The following ZNF469 variants were observed in gnomAD, a reference collection of about 807,000 sequenced individuals.
ZNF469 encodes the protein zinc finger protein 469.
A neutral mutation model predicts 1.0 loss-of-function variants in ZNF469; 1 was observed. The observed-to-expected ratio is 1.00, with a 90% confidence interval of 0.35 to 4.73. ZNF469 has a LOEUF of 4.73. ZNF469 is among the 30% of genes most tolerant of loss of function. The pLI is 0.16. For synonymous variants in ZNF469, 2,703 were observed against 2,363.4 expected (o/e 1.14, Z -4.17); for missense variants, 6,100 against 5,356.3 (o/e 1.14, Z -4.33).
chr16:88,245,942 C>T, the ZNF469 span, among the ~76,000 whole-genome samples: 7 of 152,264 alleles, frequency 4.6e-5, no homozygotes, highest in African/African-American at 1.7e-4. Flanking sequence ...CATCCTCCTG[C>T]CTGGCTCAGC....
chr16:88,225,965 A>G, the ZNF469 span, among the ~76,000 whole-genome samples: 3 of 151,846 alleles, frequency 2.0e-5, no homozygotes, highest in Admixed American at 2.0e-4. Flanking sequence ...GTCTCAGGAC[A>G]CCCTGGCTCC....
the ZNF469 span, among the ~76,000 whole-genome samples, chr16:88,295,752 G>A: frequency 6.6e-6 from 1 of 152,178 alleles, no homozygotes; most frequent in Admixed American, 6.5e-5. Flanking sequence ...TTAGCAGTGC[G>A]AGGATGGCTG....
the ZNF469 span, among the ~76,000 whole-genome samples, chr16:88,202,547 A>G: frequency 1.7e-4 from 26 of 152,194 alleles, no homozygotes; most frequent in Admixed American, 1.7e-3. Flanking sequence ...AGGCAGACCC[A>G]GGGCGGGGCA....
the ZNF469 span, among the ~76,000 whole-genome samples, chr16:88,154,998 C>T: frequency 1.1e-4 from 16 of 152,188 alleles, no homozygotes; most frequent in East Asian, 5.8e-4. Context: ...GCCACCTGTA[C>T]GGCAGACAAA....
At chr16:88,315,649 G>T in the ZNF469 span, among the ~76,000 whole-genome samples, 1 of 152,168 alleles carries the variant, frequency 6.6e-6, no homozygotes, top group Non-Finnish European at 1.5e-5. Context: ...GGCTGGGGAA[G>T]TGCACATCCG....
At chr16:88,160,917 C>T in the ZNF469 span, among the ~76,000 whole-genome samples, 3 of 152,084 alleles carry the variant, frequency 2.0e-5, no homozygotes, top group South Asian at 2.1e-4. Context: ...CCGAGGTGGG[C>T]GGATCATTTG....
the ZNF469 span, among the ~76,000 whole-genome samples, chr16:88,305,332 G>T: frequency 4.6e-5 from 5 of 108,352 alleles, no homozygotes; most frequent in Non-Finnish European, 7.5e-5. Context: ...AGGCACACAC[G>T]CACACCCTCA....
intron 1 of ZNF469, among the ~76,000 whole-genome samples, chr16:88,389,016 G>C (rs1904411915): frequency 6.6e-6 from 1 of 152,262 alleles, no homozygotes; most frequent in Non-Finnish European, 1.5e-5. Flanking sequence ...TACAGAGACA[G>C]CGATAAAGCT....
the ZNF469 span, among the ~76,000 whole-genome samples, chr16:88,140,146 G>A: frequency 1.3e-5 from 2 of 152,182 alleles, no homozygotes; most frequent in South Asian, 4.1e-4. Flanking sequence ...AAAGTCCAGA[G>A]CAAGAGAAAT....
the ZNF469 span, among the ~76,000 whole-genome samples, chr16:88,203,108 C>T: frequency 0.013 from 1,922 of 152,036 alleles, 49 homozygotes; most frequent in African/African-American, 0.043. Context: ...GCAGAAGGGC[C>T]GGGAAGGGCA....
At chr16:88,290,586 G>A in the ZNF469 span, among the ~76,000 whole-genome samples, 2 of 152,304 alleles carry the variant, frequency 1.3e-5, no homozygotes, top group East Asian at 3.9e-4. Context: ...GTAAATAAAT[G>A]TTGAGAGTCT....
intron 1 of ZNF469, among the ~76,000 whole-genome samples, chr16:88,405,777 CGCCCTGCCAA>C (rs1905012460): frequency 6.6e-6 from 1 of 152,202 alleles, no homozygotes; most frequent in South Asian, 2.1e-4. Context: ...GGTCATAGCC[CGCCCTGCCAA>C]GCCCTGCCCA....
At chr16:88,251,467 C>T in the ZNF469 span, among the ~76,000 whole-genome samples, 1 of 146,222 alleles carries the variant, frequency 6.8e-6, no homozygotes, top group Non-Finnish European at 1.5e-5. Flanking sequence ...TTTGTTCTAA[C>T]AGCTGTCATG....
the ZNF469 span, among the ~76,000 whole-genome samples, chr16:88,180,072 T>C: frequency 6.6e-6 from 1 of 152,206 alleles, no homozygotes; most frequent in Non-Finnish European, 1.5e-5. Flanking sequence ...GCTCTGCCTA[T>C]GGAGTAGCCA....
At chr16:88,232,794 A>C in the ZNF469 span, among the ~76,000 whole-genome samples, 1 of 152,190 alleles carries the variant, frequency 6.6e-6, no homozygotes, top group Admixed American at 6.5e-5. Flanking sequence ...AACAAAGTCA[A>C]TGTGTTTTTC....
chr16:88,147,256 A>G, the ZNF469 span, among the ~76,000 whole-genome samples: 1 of 151,996 alleles, frequency 6.6e-6, no homozygotes, highest in East Asian at 1.9e-4. Context: ...AAAGGTGGGG[A>G]AGATTCTCCC....
chr16:88,122,442 A>AC, the ZNF469 span, among the ~76,000 whole-genome samples: 206 of 147,142 alleles, frequency 1.4e-3, 2 homozygotes, highest in African/African-American at 5.1e-3. Context: ...ACACTCCGTC[A>AC]CTCGCTACGG....
chr16:88,337,617 T>A, the ZNF469 span, among the ~76,000 whole-genome samples: 3 of 152,128 alleles, frequency 2.0e-5, no homozygotes, highest in Non-Finnish European at 4.4e-5. Context: ...TGCTCCTCAT[T>A]TTGCATCCCC....
At chr16:88,179,243 G>T in the ZNF469 span, among the ~76,000 whole-genome samples, 1 of 152,190 alleles carries the variant, frequency 6.6e-6, no homozygotes, top group East Asian at 1.9e-4. Flanking sequence ...TGGGTCAAGG[G>T]TCAGGTCCCT....
Sources: allele counts gnomAD v4.1 joint callset (sites outside exome capture counted in the v4.1 genomes callset), GRCh38; gene constraint gnomAD v4.1.1; transcripts MANE v1.5; gene names NCBI Gene and HGNC (gene_info 2026-07-23, HGNC 2026-07-21).